The following DDX51 variants were observed in gnomAD, a reference collection of about 807,000 sequenced individuals.
DDX51 encodes the protein DEAD-box helicase 51, also known as ATP-dependent RNA helicase DDX51.
Under a neutral mutation model 74.6 loss-of-function variants are expected in DDX51, and 67 were observed. The ratio of observed to expected loss-of-function variants is 0.90; its 90% confidence interval spans 0.74 to 1.10. The LOEUF (loss-of-function observed/expected upper bound fraction) is 1.10, where lower values mean the gene tolerates loss of function less well. Among genes scored for constraint, DDX51 ranks in the 50% least tolerant of loss-of-function variants. The pLI is 0.00. For synonymous variants in DDX51, 545 were observed against 402.9 expected, an observed-to-expected ratio of 1.35 and a Z score of -4.22; for missense variants, 1,056 against 905.2, an observed-to-expected ratio of 1.17 and a Z score of -2.14.
At position 132,141,105 on chromosome 12, in the gene DDX51, T is replaced by C. The variant is rs564388992; in HGVS notation, c.1251-85A>G. 1.9e-5 allele frequency: 28 copies of C among 1,512,818 alleles called. No homozygotes were observed. The South Asian group carries it at 3.0e-4, about 16-fold the overall frequency. 93.7% of individuals were successfully genotyped at this position (1,512,818 alleles called of 1,614,324 possible). Reference sequence around the variant, plus strand: ...ACAGGATTCCTCATGCTACGCACTGTAGAGACTGCCGCAGACCAGGAGCAA... The same window carrying C: ...ACAGGATTCCTCATGCTACGCACTGCAGAGACTGCCGCAGACCAGGAGCAA... On this transcript the variant is annotated intron_variant, in intron 8 of 14. Transcript: ENST00000397333.
At position 132,140,658 on chromosome 12, in the gene DDX51, C is replaced by T; in HGVS notation, c.1518G>A (p.Arg506=). ...LHLVLEMGFS[R]VLCFTNSREN... is the part of the protein sequence containing the mutation. ...CTCGGGAGTTAGTGAAGCAGAGAACCCTCGAGAAGCCCATCTCCAGGACCA... is the reference window on the plus strand; with the variant it reads ...CTCGGGAGTTAGTGAAGCAGAGAACTCTCGAGAAGCCCATCTCCAGGACCA... The change falls in exon 10 of 15, where the codon AGG becomes AGA. Residue 506 remains arginine, a synonymous_variant. Transcript: ENST00000397333. The T allele has an allele frequency of 3.1e-6, 5 of 1,612,976 alleles. No individual in the cohort carries two copies. The highest frequency in any genetic ancestry group is 3.4e-6 in the Non-Finnish European group (4 of 1,180,018).
At position 132,142,758 on chromosome 12, in the gene DDX51, G is replaced by C. The variant is rs533766752; in HGVS notation, c.640C>G (p.Arg214Gly). ...AAGTAGGACGAGATGCCGTGTGCCC[G>C]CAGCTGCTTCTGCAGGTCAGGATGG... ...DVHPDLQKQL[R>G]AHGISSYFPV... The change falls in exon 3 of 15, where the codon CGG becomes GGG. Residue 214 changes from arginine to glycine, a missense_variant. Transcript: ENST00000397333. 1 of 1,612,990 alleles carries C rather than the reference G, an allele frequency of 6.2e-7. No homozygotes were observed. The highest frequency in any genetic ancestry group is 1.7e-5 in the Admixed American group (1 of 60,030).
rs1335243534 is a variant in DDX51 at position 132,142,784 on chromosome 12, A to G, written c.614T>C (p.Val205Ala). 1.9e-6 allele frequency: 3 copies of G among 1,613,098 alleles called. No homozygotes were observed. Among genetic ancestry groups the G allele is most frequent in the Non-Finnish European group, 2.5e-6 (3 of 1,180,010 alleles). ...DLVPIEDIPD[V>A]HPDLQKQLRA... ...CAGCTGCTTCTGCAGGTCAGGATGG[A>G]CGTCAGGGATGTCCTCGATAGGAAC... Residue 205 changes from valine (V) to alanine (A), a missense_variant, in exon 3 of 15, where the codon GTC becomes GCC. Transcript: ENST00000397333.
At chr12:132,143,516 G>C in intron 2 of DDX51, 179 bp downstream of exon 2, 1 of 786,864 alleles carries the variant, frequency 1.3e-6, no homozygotes, top group Non-Finnish European at 1.9e-6. Context: ...AGAGGAAACG[G>C]GAGCTCTGCA....
intron 2 of DDX51, chr12:132,143,247 A>C: frequency 2.5e-6 from 1 of 394,598 alleles, no homozygotes; most frequent in Non-Finnish European, 4.7e-6. Context: ...TCCCAACTCA[A>C]AGAGAACCTC....
Position 132,141,848 on chromosome 12 carries a change from A to G in DDX51, c.995+2T>C. 1.2e-6 allele frequency: 2 copies of G among 1,612,896 alleles called. No individual in the cohort carries two copies. The highest frequency in any genetic ancestry group is 1.7e-6 in the Non-Finnish European group (2 of 1,179,896). ...AAAAACCCGCACCCTGACACAACCT[A>G]CGTTTTCTGGACGAGGCTCTCCTGC... On this transcript the variant is annotated splice_donor_variant, in intron 6 of 14. Transcript: ENST00000397333. LOFTEE classifies it high-confidence loss of function.
At position 132,142,849 on chromosome 12, in the gene DDX51, A is replaced by C; in HGVS notation, c.549T>G (p.Ala183=). 1 of 1,612,940 alleles carries C rather than the reference A, an allele frequency of 6.2e-7. No homozygotes were observed. Among genetic ancestry groups the C allele is most frequent in the Non-Finnish European group, 8.5e-7 (1 of 1,180,014 alleles). The part of the protein sequence containing the change: ...KVQPFLPRWL[A]EPNCVRRNVT... The stretch of plus-strand genomic sequence containing the variant: ...CATTCCTTCTGACACAGTTAGGCTC[A>C]GCCAGCCACCTTGGCAGGAAAGGCT... Residue 183 remains alanine (A), a synonymous_variant, in exon 3 of 15, where the codon GCT becomes GCG. Transcript: ENST00000397333.
chr12:132,139,541 CCT>C (rs1897365251), intron 14 of DDX51, 92 bp downstream of exon 14: 2 of 1,608,114 alleles, frequency 1.2e-6, no homozygotes, highest in East Asian at 2.2e-5. Flanking sequence ...TTCTCGCTTT[CCT>C]CTTTTTCCCT....
rs1897348649 is a variant in DDX51 at position 132,138,954 on chromosome 12, C to T, written c.*318G>A. ...TTTTAACATTAGCTCAAGGTTAATGCCCCCAACTCTCAGCAAAAGCATGAC... is the reference window on the plus strand; with the variant it reads ...TTTTAACATTAGCTCAAGGTTAATGTCCCCAACTCTCAGCAAAAGCATGAC... On this transcript the variant is annotated 3_prime_UTR_variant, in exon 15 of 15. Coordinates refer to ENST00000397333, the MANE Select transcript of DDX51 (RefSeq NM_175066.4). 2.4e-6 allele frequency: 1 copy of T among 416,030 alleles called. No individual in the cohort carries two copies. Among genetic ancestry groups the T allele is most frequent in the Non-Finnish European group, 4.3e-6 (1 of 231,542 alleles). The allele number at this position is 416,030 out of a possible 1,614,324, so 25.8% of individuals were successfully genotyped here.
In DDX51 at chr12:132,138,910, G is replaced by A. The variant is rs1897347294; in HGVS notation, c.*362C>T. 3.8e-6 allele frequency: 1 copy of A among 265,308 alleles called. No individual in the cohort carries two copies. The highest frequency in any genetic ancestry group is 7.2e-6 in the Non-Finnish European group (1 of 139,848). 16.4% of individuals were successfully genotyped at this position (265,308 alleles called of 1,614,324 possible). Reference sequence around the variant, plus strand: ...TGGAATTACAGGCATGAGCCACCATGCCTGGCCAAGAGCTTGATTTTTAAC... The same window carrying A: ...TGGAATTACAGGCATGAGCCACCATACCTGGCCAAGAGCTTGATTTTTAAC... On this transcript the variant is annotated 3_prime_UTR_variant, in exon 15 of 15. Coordinates refer to ENST00000397333, the MANE Select transcript of DDX51 (RefSeq NM_175066.4).
chr12:132,140,491 G>T lies in DDX51; in HGVS notation c.1605C>A (p.Phe535Leu), dbSNP rs748487633. ...QAFGGVDVAE[F>L]SSRYGPGQRR... The stretch of plus-strand genomic sequence containing the variant: ...TCTGGCCAGGCCCGTAGCGCGAGGA[G>T]AACTCAGCCACGTCCACACCCCCAA... Residue 535 changes from phenylalanine to leucine, a missense_variant, in exon 11 of 15, where the codon TTC becomes TTA. Coordinates refer to ENST00000397333, the MANE Select transcript of DDX51 (RefSeq NM_175066.4). The T allele has an allele frequency of 6.2e-7, 1 of 1,613,184 alleles. No homozygotes were observed. Among genetic ancestry groups the T allele is most frequent in the Non-Finnish European group, 8.5e-7 (1 of 1,180,030 alleles).
Position 132,138,401 on chromosome 12 carries a change from C to T in DDX51, c.*871G>A, listed in dbSNP as rs1335818541. On this transcript the variant is annotated 3_prime_UTR_variant, in exon 15 of 15. Coordinates refer to ENST00000397333, the MANE Select transcript of DDX51 (RefSeq NM_175066.4). ...AGTCTCCGCTCACTGCAAGCTCCGC[C>T]TCCCGGGTTCACGCCATTCTCCTGC... 3 of 152,086 alleles carry T rather than the reference C, an allele frequency of 2.0e-5. No individual in the cohort carries two copies. Among genetic ancestry groups the T allele is most frequent in the African/African-American group, 7.2e-5 (3 of 41,394 alleles). 9.4% of individuals were successfully genotyped at this position (152,086 alleles called of 1,614,324 possible).
At chr12:132,141,161 C>G (rs1356390817) in intron 8 of DDX51, 114 bp downstream of exon 8, 7 of 1,492,212 alleles carry the variant, frequency 4.7e-6, no homozygotes, top group Non-Finnish European at 6.2e-6. Context: ...CAGTACGATG[C>G]GGTTCTGTGC....
At position 132,144,249 on chromosome 12, in the gene DDX51, A is replaced by G; in HGVS notation, c.48T>C (p.Ala16=). 8.1e-7 allele frequency: 1 copy of G among 1,236,236 alleles called. No homozygotes were observed. The highest frequency in any genetic ancestry group is 1.0e-6 in the Non-Finnish European group (1 of 990,248). The allele number at this position is 1,236,236 out of a possible 1,614,324, so 76.6% of individuals were successfully genotyped here. A position where few individuals can be genotyped will look rare whatever the true frequency, so the allele number is the denominator to read the frequency against. The part of the protein sequence containing the change: ...VARYPGPDAA[A]AAGPEGAEAG... ...CCTCCGCGCCCTCCGGCCCCGCCGC[A>G]GCTGCCGCATCGGGGCCCGGGTACC... The change falls in exon 1 of 15, where the codon GCT becomes GCC. Residue 16 remains alanine (A), a synonymous_variant. Coordinates refer to ENST00000397333, the MANE Select transcript of DDX51 (RefSeq NM_175066.4).
At chr12:132,143,139 C>A in intron 2 of DDX51, 3 of 505,442 alleles carry the variant, frequency 5.9e-6, no homozygotes, top group Non-Finnish European at 1.1e-5. Context: ...GTCCTGTGAC[C>A]TGGCGCTCGC....
intron 12 of DDX51, 61 bp downstream of exon 12, chr12:132,140,037 A>C: frequency 6.2e-7 from 1 of 1,606,278 alleles, no homozygotes; most frequent in Non-Finnish European, 8.5e-7. Flanking sequence ...ACGGTCCCAC[A>C]TCAACGCCCA....
chr12:132,142,967 T>G, intron 2 of DDX51, 89 bp from the exon 3 acceptor site: 1 of 1,570,772 alleles, frequency 6.4e-7, no homozygotes. Context: ...GGAGGGAGGC[T>G]GGGGAAACCT....
chr12:132,138,213 G>T lies in DDX51; in HGVS notation c.*1059C>A, dbSNP rs1417956708. Reference sequence around the variant, plus strand: ...GAAGTGCTGGGTCATGAGTGACTCTGTGTTTAACGCCCCAAGGCTTTGCCC... The same window carrying T: ...GAAGTGCTGGGTCATGAGTGACTCTTTGTTTAACGCCCCAAGGCTTTGCCC... On this transcript the variant is annotated 3_prime_UTR_variant, in exon 15 of 15. Transcript: ENST00000397333. 6.6e-6 allele frequency: 1 copy of T among 152,364 alleles called. No individual in the cohort carries two copies. Among genetic ancestry groups the T allele is most frequent in the Non-Finnish European group, 1.5e-5 (1 of 68,124 alleles). The allele number at this position is 152,364 out of a possible 1,614,324, so 9.4% of individuals were successfully genotyped here.
Position 132,144,074 on chromosome 12 carries a change from G to A in DDX51, c.223C>T (p.Arg75Trp). 8.2e-7 allele frequency: 1 copy of A among 1,221,828 alleles called. No individual in the cohort carries two copies. Among genetic ancestry groups the A allele is most frequent in the Non-Finnish European group, 1.0e-6 (1 of 982,402 alleles). 75.7% of individuals were successfully genotyped at this position (1,221,828 alleles called of 1,614,324 possible). A position where few individuals can be genotyped will look rare whatever the true frequency, so the allele number is the denominator to read the frequency against. ...CTCCCCGGCTCCGCGTCGTTCACCC[G>A]CCGCCGCCGCCGGGGCCGCCGTCGC... ...RRRRRPRRRR[R>W]VNDAEPGSPE... Residue 75 changes from arginine (R) to tryptophan (W), a missense_variant, in exon 1 of 15, where the codon CGG becomes TGG. Physicochemically the swap from Arg to Trp is moderately radical, Grantham distance 101. Coordinates refer to ENST00000397333, the MANE Select transcript of DDX51 (RefSeq NM_175066.4).
Sources: allele counts gnomAD v4.1 joint callset, GRCh38; gene constraint gnomAD v4.1.1; transcripts MANE v1.5; gene names NCBI Gene and HGNC (gene_info 2026-07-23, HGNC 2026-07-21).